The following PRKG1 variants were observed in gnomAD, a reference collection of about 807,000 sequenced individuals.
The protein encoded by PRKG1 is cGMP-dependent protein kinase 1.
PRKG1 carries 35 observed loss-of-function variants against 88.1 expected under a neutral mutation model. That is an observed-to-expected ratio of 0.40 (90% CI 0.30 to 0.53). PRKG1 has a LOEUF of 0.53. Ranked by LOEUF, PRKG1 falls within the 20% of genes least tolerant of loss-of-function variation. PRKG1 has a pLI of 0.59. For synonymous variants in PRKG1, 303 were observed against 292.5 expected (o/e 1.04, Z -0.37); for missense variants, 540 against 839.8 (o/e 0.64, Z 4.41).
At chr10:51,314,867 C>T (rs961094587) in intron 2 of PRKG1, among the ~76,000 whole-genome samples, 3 of 152,208 alleles carry the variant, frequency 2.0e-5, no homozygotes, top group Admixed American at 6.5e-5. Flanking sequence ...CTAGCAGGCC[C>T]TCATCAAGTT....
intron 3 of PRKG1, among the ~76,000 whole-genome samples, chr10:51,691,570 G>C (rs776569272): frequency 3.3e-5 from 5 of 152,100 alleles, no homozygotes; most frequent in Non-Finnish European, 5.9e-5. Flanking sequence ...CCAGCCTTGG[G>C]CTCCCAAACA....
intron 9 of PRKG1, among the ~76,000 whole-genome samples, chr10:52,199,458 T>C (rs1160069817): frequency 6.6e-6 from 1 of 152,232 alleles, no homozygotes; most frequent in Non-Finnish European, 1.5e-5. Context: ...AAAAGGCCAC[T>C]GACCACTCTC....
chr10:51,047,680 T>C (rs997813127), intron 1 of PRKG1, among the ~76,000 whole-genome samples: 3 of 151,198 alleles, frequency 2.0e-5, no homozygotes, highest in Non-Finnish European at 2.9e-5. Context: ...ATGACAGTCA[T>C]CTTCAGGCAA....
At chr10:51,713,984 A>AT (rs1841823247) in intron 3 of PRKG1, among the ~76,000 whole-genome samples, 1 of 151,836 alleles carries the variant, frequency 6.6e-6, no homozygotes, top group Non-Finnish European at 1.5e-5. Context: ...TTTTATTCTT[A>AT]TTTTTATTTT....
At chr10:51,909,841 CAA>C (rs1842176616) in intron 5 of PRKG1, 1 of 152,170 alleles carries the variant, frequency 6.6e-6, no homozygotes, top group Non-Finnish European at 1.5e-5. Context: ...GAAATGGGGT[CAA>C]CAGGTAGGAA....
At chr10:51,276,522 T>A (rs1840122956) in intron 2 of PRKG1, among the ~76,000 whole-genome samples, 1 of 152,162 alleles carries the variant, frequency 6.6e-6, no homozygotes, top group Non-Finnish European at 1.5e-5. Context: ...TAGTTCTAGA[T>A]CCTTGAGGAA....
At position 52,067,869 on chromosome 10, in the gene PRKG1, A is replaced by G. The variant is rs533101776; in HGVS notation, c.935+5238A>G. 5.9e-5 allele frequency among the ~76,000 whole-genome samples: 9 copies of G among 152,310 alleles called. No individual in the cohort carries two copies. The South Asian group carries it at 1.5e-3, about 25-fold the overall frequency. On this transcript the variant is annotated intron_variant, in intron 7 of 17. Coordinates refer to ENST00000373980, the MANE Select transcript of PRKG1 (RefSeq NM_006258.4). ...CACTTCACGTTTAGTTCAATAACTCATAAGTCAATCCATCTATACTTTGAC... is the reference window on the plus strand; with the variant it reads ...CACTTCACGTTTAGTTCAATAACTCGTAAGTCAATCCATCTATACTTTGAC...
In PRKG1 at chr10:52,296,678, G is replaced by A. The variant is rs1842390113; in HGVS notation, c.*2778G>A. 1.3e-5 allele frequency: 2 copies of A among 151,988 alleles called. No individual in the cohort carries two copies. The highest frequency in any genetic ancestry group is 1.3e-4 in the Admixed American group (2 of 15,236). The allele number at this position is 151,988 out of a possible 1,614,324, so 9.4% of individuals were successfully genotyped here. A position where few individuals can be genotyped will look rare whatever the true frequency, so the allele number is the denominator to read the frequency against. ...TTAATGTGTTGAGTATGGGAAATAA[G>A]GGCTTTCTGTGTGTCTTGACTCACA... is the stretch of plus-strand genomic sequence containing the variant. On this transcript the variant is annotated 3_prime_UTR_variant, in exon 18 of 18. Coordinates refer to ENST00000373980, the MANE Select transcript of PRKG1 (RefSeq NM_006258.4).
intron 3 of PRKG1, among the ~76,000 whole-genome samples, chr10:51,634,456 C>A (rs1322604546): frequency 6.6e-6 from 1 of 151,996 alleles, no homozygotes; most frequent in Non-Finnish European, 1.5e-5. Flanking sequence ...AGGTTTAGAC[C>A]AGGGAAGATA....
intron 4 of PRKG1, among the ~76,000 whole-genome samples, chr10:51,894,899 G>T (rs1391529265): frequency 2.0e-5 from 3 of 152,064 alleles, no homozygotes; most frequent in Non-Finnish European, 4.4e-5. Context: ...CTTCTTATTT[G>T]TATGTTAGAG....
chr10:51,405,479 C>T (rs76014041), intron 2 of PRKG1, among the ~76,000 whole-genome samples: 2,979 of 152,242 alleles, frequency 0.02, 74 homozygotes, highest in Middle Eastern at 0.058. Flanking sequence ...ATCTCCACAC[C>T]GTGAATGTAG....
At chr10:51,070,674 G>A (rs1225992013), upstream of PRKG1, among the ~76,000 whole-genome samples, 3 of 152,134 alleles carry the variant, frequency 2.0e-5, no homozygotes, top group Non-Finnish European at 4.4e-5. Context: ...TTATAATAAA[G>A]CTACTTTATT....
At chr10:51,665,921 G>T (rs751404983) in intron 3 of PRKG1, among the ~76,000 whole-genome samples, 7 of 152,104 alleles carry the variant, frequency 4.6e-5, no homozygotes, top group African/African-American at 1.2e-4. Context: ...ATGAATATGT[G>T]TGTGTGTGTG....
chr10:52,028,857 T>C (rs1339010596), intron 5 of PRKG1, among the ~76,000 whole-genome samples: 2 of 152,214 alleles, frequency 1.3e-5, no homozygotes, highest in Admixed American at 6.5e-5. Context: ...TGTTGAAATA[T>C]GGGCCAAACA....
chr10:51,242,746 G>T (rs1183069641), intron 2 of PRKG1, among the ~76,000 whole-genome samples: 2 of 152,124 alleles, frequency 1.3e-5, no homozygotes, highest in African/African-American at 2.4e-5. Flanking sequence ...TATAATTTTT[G>T]AAAAGAAGCT....
rs542820043 is a variant in PRKG1 at position 51,963,676 on chromosome 10, A to G, written c.762+56106A>G. On this transcript the variant is annotated intron_variant, in intron 5 of 17. Coordinates refer to ENST00000373980, the MANE Select transcript of PRKG1 (RefSeq NM_006258.4). ...TTGGCCAGGCTGGTCTCGAACTCCT[A>G]GCCTCAAGAGATCCACCCACTCCAG... Among the ~76,000 whole-genome samples, 252 of 151,942 alleles carry G rather than the reference A, an allele frequency of 1.7e-3. 1 individual carries two copies. The highest frequency in any genetic ancestry group is 5.9e-3 in the African/African-American group (245 of 41,464).
intron 2 of PRKG1, among the ~76,000 whole-genome samples, chr10:51,174,736 C>T (rs1837144980): frequency 1.3e-5 from 2 of 151,948 alleles, no homozygotes; most frequent in African/African-American, 4.8e-5. Flanking sequence ...ATTTGCATAT[C>T]ACACTTTATT....
chr10:52,177,366 CA>C (rs971003294), intron 9 of PRKG1, among the ~76,000 whole-genome samples: 18 of 152,102 alleles, frequency 1.2e-4, no homozygotes, highest in South Asian at 2.1e-4. Context: ...CCCATTTGAT[CA>C]TGGTGTATTT....
intron 1 of PRKG1, among the ~76,000 whole-genome samples, chr10:51,060,703 T>C (rs1843682621): frequency 1.3e-5 from 2 of 152,218 alleles, no homozygotes; most frequent in African/African-American, 2.4e-5. Context: ...ACTTACATTT[T>C]CTTTAAATCT....
Sources: allele counts gnomAD v4.1 joint callset (sites outside exome capture counted in the v4.1 genomes callset), GRCh38; gene constraint gnomAD v4.1.1; transcripts MANE v1.5; gene names NCBI Gene and HGNC (gene_info 2026-07-23, HGNC 2026-07-21).